BRPF3: variants seen among roughly 807,000 people sequenced by gnomAD.
BRPF3 encodes the protein bromodomain and PHD finger containing 3, also known as bromodomain and PHD finger-containing protein 3.
Under a neutral mutation model 102.0 loss-of-function variants are expected in BRPF3, and 18 were observed. That is an observed-to-expected ratio of 0.18 (90% CI 0.12 to 0.26). BRPF3 has a LOEUF of 0.26. Ranked by LOEUF, BRPF3 falls within the 10% of genes least tolerant of loss-of-function variation. The probability of loss-of-function intolerance (pLI) is 1.00; values close to 1 mark genes in which losing one functional copy is unlikely to be tolerated. For missense variants in BRPF3, 1,147 were observed against 1,567.8 expected, an observed-to-expected ratio of 0.73 and a Z score of 4.53; for synonymous variants, 570 against 614.2, an observed-to-expected ratio of 0.93 and a Z score of 1.06.
intron 3 of BRPF3, among the ~76,000 whole-genome samples, chr6:36,206,455 G>C (rs1371192688): frequency 1.3e-5 from 2 of 152,180 alleles, no homozygotes; most frequent in African/African-American, 2.4e-5. Flanking sequence ...TTCTAGGCAG[G>C]CGAAGTTAAG....
intron 1 of BRPF3, among the ~76,000 whole-genome samples, chr6:36,198,046 G>A (rs1767567843): frequency 6.6e-6 from 1 of 152,178 alleles, no homozygotes; most frequent in Non-Finnish European, 1.5e-5. Flanking sequence ...AGGGGTGGGT[G>A]ATGAAGCAGG....
chr6:36,229,849 C>G (rs1353050005), intron 12 of BRPF3, among the ~76,000 whole-genome samples: 1 of 152,162 alleles, frequency 6.6e-6, no homozygotes, highest in African/African-American at 2.4e-5. Flanking sequence ...CCTCATAATC[C>G]ATTTTGCAGA....
At chr6:36,220,377 G>A (rs571981237) in intron 9 of BRPF3, among the ~76,000 whole-genome samples, 4 of 152,186 alleles carry the variant, frequency 2.6e-5, no homozygotes, top group Non-Finnish European at 5.9e-5. Flanking sequence ...AGAGTTTTAT[G>A]TGTGTTCGTT....
intron 4 of BRPF3, among the ~76,000 whole-genome samples, chr6:36,207,802 G>A (rs534123601): frequency 6.6e-6 from 1 of 152,172 alleles, no homozygotes; most frequent in African/African-American, 2.4e-5. Context: ...CCTCTGGCCT[G>A]GGAACTTCTG....
intron 2 of BRPF3, among the ~76,000 whole-genome samples, chr6:36,202,310 G>A (rs994621349): frequency 1.3e-5 from 2 of 152,130 alleles, no homozygotes; most frequent in Non-Finnish European, 1.5e-5. Flanking sequence ...GGGTATGAGG[G>A]GGGTGGTGGT....
Position 36,200,174 on chromosome 6 carries a change from T to C in BRPF3, c.-26-123T>C. 8.0e-7 allele frequency: 1 copy of C among 1,252,426 alleles called. No homozygotes were observed. Among genetic ancestry groups the C allele is most frequent in the South Asian group, 1.7e-5 (1 of 59,636 alleles). The allele number at this position is 1,252,426 out of a possible 1,614,324, so 77.6% of individuals were successfully genotyped here. On this transcript the variant is annotated intron_variant, in intron 1 of 12. Coordinates refer to ENST00000357641, the MANE Select transcript of BRPF3 (RefSeq NM_015695.3). This position sits in a 1 kb window ranked among gnomAD's most constrained non-coding sequence, Gnocchi z 5.3. ...TGAAGGAGCAAGCCATGTGGATGCC[T>C]GAGGGGCAAGTTGTTCAGACAGAGG...
Position 36,214,239 on chromosome 6 carries a change from C to T in BRPF3, c.2842C>T (p.Leu948=), listed in dbSNP as rs747188937. ...GCTACAGAGAAGCCCAGACAGGGTCCTGGAGAATGGCGAGGACCATGGTGT... is the reference window on the plus strand; with the variant it reads ...GCTACAGAGAAGCCCAGACAGGGTCTTGGAGAATGGCGAGGACCATGGTGT... The part of the protein sequence containing the change: ...VKLQRSPDRV[L]ENGEDHGVAG... Residue 948 remains leucine (L), a synonymous_variant, in exon 8 of 13, where the codon CTG becomes TTG. Coordinates refer to ENST00000357641, the MANE Select transcript of BRPF3 (RefSeq NM_015695.3). 2.5e-6 allele frequency: 4 copies of T among 1,614,102 alleles called. No homozygotes were observed. In the South Asian group the frequency reaches 4.4e-5, roughly 18 times the overall value.
At position 36,230,669 on chromosome 6, in the gene BRPF3, C is replaced by A; in HGVS notation, c.*60C>A. 1.9e-6 allele frequency: 3 copies of A among 1,550,272 alleles called. No individual in the cohort carries two copies. The highest frequency in any genetic ancestry group is 2.4e-5 in the South Asian group (2 of 84,046). On this transcript the variant is annotated 3_prime_UTR_variant, in exon 13 of 13. Coordinates refer to ENST00000357641, the MANE Select transcript of BRPF3 (RefSeq NM_015695.3). This position sits in a 1 kb window ranked among gnomAD's most constrained non-coding sequence, Gnocchi z 5.4. ...TCCATCCCGCAGGGCACAGAGAAGCCTCTTCTGCCCCTGCCAGATGTATGG... is the reference window on the plus strand; with the variant it reads ...TCCATCCCGCAGGGCACAGAGAAGCATCTTCTGCCCCTGCCAGATGTATGG...
chr6:36,201,787 G>A lies in BRPF3; in HGVS notation c.1448+17G>A, dbSNP rs1767714598. On this transcript the variant is annotated intron_variant, in intron 2 of 12. Transcript: ENST00000357641. This position sits in a 1 kb window ranked among gnomAD's most constrained non-coding sequence, Gnocchi z 5.1. Reference sequence around the variant, plus strand: ...CTCTTACAGGTAAGCATGCCCAGAAGGGCTCCTTAGGGACTCATGGTTTCT... The same window carrying A: ...CTCTTACAGGTAAGCATGCCCAGAAAGGCTCCTTAGGGACTCATGGTTTCT... 1 of 1,568,158 alleles carries A rather than the reference G, an allele frequency of 6.4e-7. No homozygotes were observed. Among genetic ancestry groups the A allele is most frequent in the South Asian group, 1.2e-5 (1 of 82,576 alleles).
chr6:36,230,394 C>T lies in BRPF3; in HGVS notation c.3435-32C>T. 5 of 1,608,594 alleles carry T rather than the reference C, an allele frequency of 3.1e-6. No individual in the cohort carries two copies. Among genetic ancestry groups the T allele is most frequent in the Non-Finnish European group, 4.2e-6 (5 of 1,176,532 alleles). On this transcript the variant is annotated intron_variant, in intron 12 of 12. Transcript: ENST00000357641. This position sits in a 1 kb window ranked among gnomAD's most constrained non-coding sequence, Gnocchi z 5.4. ...CCCGAGCCCCCTGTGAGACCCACTA[C>T]TGCCCAGCCTCTTACTGTGCTTGCA... is the stretch of plus-strand genomic sequence containing the variant.
At chr6:36,198,219 T>C (rs546584598) in intron 1 of BRPF3, among the ~76,000 whole-genome samples, 1 of 152,178 alleles carries the variant, frequency 6.6e-6, no homozygotes, top group Non-Finnish European at 1.5e-5. Context: ...CAAATTGGTT[T>C]TTTGTTTGTT....
chr6:36,197,267 A>G (rs1007846327), intron 1 of BRPF3: 1 of 150,862 alleles, frequency 6.6e-6, no homozygotes, highest in Non-Finnish European at 1.5e-5. Flanking sequence ...GCCTGGCCAG[A>G]CGAGAGTCCC....
At chr6:36,199,478 T>C (rs529228996) in intron 1 of BRPF3, among the ~76,000 whole-genome samples, 4 of 152,304 alleles carry the variant, frequency 2.6e-5, no homozygotes, top group African/African-American at 9.6e-5. Context: ...CCTTAGACCA[T>C]GTATCATAGA....
rs1365350350 is a variant in BRPF3, at chr6:36,201,802, TC to T, written c.1448+33del. 1.9e-6 allele frequency: 3 copies of T among 1,548,772 alleles called. No homozygotes were observed. The highest frequency in any genetic ancestry group is 2.6e-6 in the Non-Finnish European group (3 of 1,149,342). ...ATGCCCAGAAGGGCTCCTTAGGGACTCATGGTTTCTTCTTGGGTTGGTGTTG... is the reference window on the plus strand; with the variant it reads ...ATGCCCAGAAGGGCTCCTTAGGGACTATGGTTTCTTCTTGGGTTGGTGTTG... On this transcript the variant is annotated intron_variant, in intron 2 of 12. Coordinates refer to ENST00000357641, the MANE Select transcript of BRPF3 (RefSeq NM_015695.3). This position sits in a 1 kb window ranked among gnomAD's most constrained non-coding sequence, Gnocchi z 5.1.
intron 12 of BRPF3, among the ~76,000 whole-genome samples, chr6:36,229,299 G>A (rs111470677): frequency 1.2e-4 from 18 of 152,210 alleles, no homozygotes; most frequent in Non-Finnish European, 5.9e-5. Flanking sequence ...GCTGTGGGGC[G>A]GGAGCGATGC....
In BRPF3 at chr6:36,204,758, G is replaced by A; in HGVS notation, c.1549G>A (p.Val517Ile). The A allele has an allele frequency of 1.2e-6, 2 of 1,614,240 alleles. No individual in the cohort carries two copies. The highest frequency in any genetic ancestry group is 1.7e-6 in the Non-Finnish European group (2 of 1,180,040). The change falls in exon 3 of 13, where the codon GTC (valine) becomes ATC (isoleucine). Residue 517 changes from valine (V) to isoleucine (I), a missense_variant. Around this residue, in one of 11 missense-constraint regions of BRPF3, gnomAD observed 37 missense variants for 33.3 expected, o/e 1.11. Coordinates refer to ENST00000357641, the MANE Select transcript of BRPF3 (RefSeq NM_015695.3). ...GTTGAAGCGGCAGGCACGGAATGGT[G>A]TCCCTCTTATCCGGCGCTTGCACTC... The part of the protein sequence containing the change: ...WLLKRQARNG[V>I]PLIRRLHSHL...
chr6:36,211,334 G>T lies in BRPF3; in HGVS notation c.2256G>T (p.Leu752=), dbSNP rs1342490911. The change falls in exon 7 of 13, where the codon CTG becomes CTT. Residue 752 remains leucine (L), a synonymous_variant. Transcript: ENST00000357641. The part of the protein sequence containing the change: ...EVQLKELLEK[L]DLVSAMRSSG... ...AGCTGAAGGAGCTGCTGGAGAAACT[G>T]GACCTGGTGAGCGCCATGCGGTCCA... is the stretch of plus-strand genomic sequence containing the variant. 1 of 1,614,136 alleles carries T rather than the reference G, an allele frequency of 6.2e-7. No individual in the cohort carries two copies. The highest frequency in any genetic ancestry group is 8.5e-7 in the Non-Finnish European group (1 of 1,180,056).
chr6:36,222,144 CCT>C (rs1253933525), intron 9 of BRPF3, 22 bp from the exon 10 acceptor site: 2 of 1,549,462 alleles, frequency 1.3e-6, no homozygotes, highest in African/African-American at 1.4e-5. Context: ...TCATTTCACC[CCT>C]CTCTCCCTGC....
In BRPF3 at chr6:36,229,198, G is replaced by T. The variant is rs1768848935; in HGVS notation, c.3434+142G>T. 10 of 1,081,564 alleles carry T rather than the reference G, an allele frequency of 9.2e-6. 1 individual carries two copies. Among genetic ancestry groups the T allele is most frequent in the African/African-American group, 1.6e-5 (1 of 63,188 alleles). The allele number at this position is 1,081,564 out of a possible 1,614,324, so 67.0% of individuals were successfully genotyped here. On this transcript the variant is annotated intron_variant, in intron 12 of 12. Transcript: ENST00000357641. ...CTTGCCAGCAACAGGCCTGCACTTG[G>T]CATGTTAATAGTAACTGAGGGGTGT...
Sources: gnomAD v4.1 joint callset for allele counts (sites outside exome capture counted in the v4.1 genomes callset) on GRCh38, gnomAD v4.1.1 for gene constraint, gnomAD v4.1.1 regional missense constraint, Gnocchi (gnomAD v3.1) non-coding constraint, MANE v1.5 for transcripts, NCBI Gene and HGNC (gene_info 2026-07-23, HGNC 2026-07-21) for gene names.